C5orf34: variants seen among roughly 807,000 people sequenced by gnomAD.
C5orf34 encodes chromosome 5 open reading frame 34.
Under a neutral mutation model 78.4 loss-of-function variants are expected in C5orf34, and 73 were observed. The ratio of observed to expected loss-of-function variants is 0.93; its 90% CI spans 0.77 to 1.13. The LOEUF is 1.13. Among genes scored for constraint, C5orf34 ranks in the 50% most tolerant of loss-of-function variants. C5orf34 has a pLI of 0.00. For missense variants in C5orf34, 730 were observed against 732.7 expected (o/e 1.00, Z 0.04); for synonymous variants, 251 against 246.6 (o/e 1.02, Z -0.17).
chr5:43,489,133 A>T (rs539621457), intron 11 of C5orf34, among the ~76,000 whole-genome samples: 1 of 151,928 alleles, frequency 6.6e-6, no homozygotes, highest in Non-Finnish European at 1.5e-5. Flanking sequence ...ATTTTTCTGG[A>T]TGTAAGAAAC....
intron 6 of C5orf34, 72 bp from the exon 7 acceptor site, chr5:43,494,673 T>G: frequency 2.6e-6 from 2 of 773,936 alleles, no homozygotes; most frequent in Non-Finnish European, 4.3e-6. Context: ...TGCTTTTCCT[T>G]GAAATATGTT....
chr5:43,490,532 G>GT (rs1164626111), intron 11 of C5orf34, 99 bp downstream of exon 11: 5 of 736,152 alleles, frequency 6.8e-6, no homozygotes, highest in Non-Finnish European at 1.2e-5. Context: ...AACTAAGAAA[G>GT]TTTTTTTGGG....
intron 6 of C5orf34, among the ~76,000 whole-genome samples, chr5:43,496,794 C>G (rs760850045): frequency 2.0e-4 from 31 of 151,878 alleles, no homozygotes; most frequent in Non-Finnish European, 4.0e-4. Context: ...CTATATTACC[C>G]AGACTAGTCT....
At position 43,514,906 on chromosome 5, in the gene C5orf34, A is replaced by G. The variant is rs1457901400; in HGVS notation, c.-137T>C. The G allele has an allele frequency of 6.6e-6, 1 of 152,136 alleles. No individual in the cohort carries two copies. The allele number at this position is 152,136 out of a possible 1,614,324, so 9.4% of individuals were successfully genotyped here. A position where few individuals can be genotyped will look rare whatever the true frequency, so the allele number is the denominator to read the frequency against. Reference sequence around the variant, plus strand: ...GAAGCCGCAGCGTCGGCGCCTGCCCACCACTGCTTCTTCAGGGGTTTCTTC... The same window carrying G: ...GAAGCCGCAGCGTCGGCGCCTGCCCGCCACTGCTTCTTCAGGGGTTTCTTC... On this transcript the variant is annotated 5_prime_UTR_variant, in exon 1 of 13. Coordinates refer to ENST00000306862, the MANE Select transcript of C5orf34 (RefSeq NM_198566.4).
intron 6 of C5orf34, among the ~76,000 whole-genome samples, chr5:43,501,216 A>G (rs1745744163): frequency 6.6e-6 from 1 of 152,232 alleles, no homozygotes; most frequent in Non-Finnish European, 1.5e-5. Context: ...CAATATGACT[A>G]TGCATACCTA....
chr5:43,496,517 A>C, intron 6 of C5orf34: 1 of 1,341,702 alleles, frequency 7.5e-7, no homozygotes, highest in Middle Eastern at 2.7e-4. Context: ...TTGTGGGAAA[A>C]AAAAGCCATT....
In C5orf34 at chr5:43,509,300, A is replaced by T; in HGVS notation, c.40T>A (p.Ser14Thr). 1 of 1,613,180 alleles carries T rather than the reference A, an allele frequency of 6.2e-7. No individual in the cohort carries two copies. The change falls in exon 2 of 13, where the codon TCA becomes ACA. Residue 14 changes from serine to threonine, a missense_variant. Coordinates refer to ENST00000306862, the MANE Select transcript of C5orf34 (RefSeq NM_198566.4). Reference sequence around the variant, plus strand: ...CCATCAACATATTGTACTTGTACTGAATCATCTTCATAAAGTATCATTCGC... The same window carrying T: ...CCATCAACATATTGTACTTGTACTGTATCATCTTCATAAAGTATCATTCGC... Reference protein sequence around the residue: ...ELRMILYEDDSVQVQYVDGST... With the variant: ...ELRMILYEDDTVQVQYVDGST...
intron 4 of C5orf34, among the ~76,000 whole-genome samples, chr5:43,504,177 C>T (rs1561214228): frequency 1.3e-5 from 2 of 151,770 alleles, no homozygotes; most frequent in African/African-American, 2.4e-5. Flanking sequence ...CGTAGTGGCA[C>T]GTGCCTGTAA....
At position 43,492,848 on chromosome 5, in the gene C5orf34, T is replaced by C. The variant is rs1187813149; in HGVS notation, c.1357A>G (p.Lys453Glu). 1.7e-5 allele frequency: 28 copies of C among 1,610,732 alleles called. No individual in the cohort carries two copies. The highest frequency in any genetic ancestry group is 2.0e-5 in the Non-Finnish European group (24 of 1,177,812). The change falls in exon 9 of 13, where the codon AAA becomes GAA. Residue 453 changes from lysine (K) to glutamate (E), a missense_variant. By Grantham distance (56) the Lys-to-Glu change is moderately conservative. Transcript: ENST00000306862. The part of the protein sequence containing the change: ...NDSNILPLVL[K>E]ESLIPSVGRF... The stretch of plus-strand genomic sequence containing the variant: ...CCCACACTGGGTATGAGTGACTCTT[T>C]CAAAACCAAAGGCAGTATATTGCTA...
chr5:43,513,607 C>A (rs1327122619), intron 1 of C5orf34, among the ~76,000 whole-genome samples: 1 of 152,262 alleles, frequency 6.6e-6, no homozygotes, highest in Non-Finnish European at 1.5e-5. Flanking sequence ...CATTTCTCAA[C>A]TCTCTCCTAC....
intron 1 of C5orf34, among the ~76,000 whole-genome samples, chr5:43,511,801 G>A (rs1746272375): frequency 1.3e-5 from 2 of 152,274 alleles, no homozygotes; most frequent in Non-Finnish European, 2.9e-5. Context: ...AGTGCAAGAT[G>A]TGCTTTGTTA....
chr5:43,503,103 G>C (rs779620224), intron 5 of C5orf34, among the ~76,000 whole-genome samples: 3 of 152,200 alleles, frequency 2.0e-5, no homozygotes, highest in Admixed American at 6.5e-5. Flanking sequence ...CAAAAATTTA[G>C]CAGTGCTCTT....
rs1405845708 is a variant in C5orf34 at position 43,496,142 on chromosome 5, C to T, written c.1153-1541G>A. ...CAGGACAGCACAGCCTGAGATGTCCCTGTAATCATGTTTTTGATGAAGTCT... is the reference window on the plus strand; with the variant it reads ...CAGGACAGCACAGCCTGAGATGTCCTTGTAATCATGTTTTTGATGAAGTCT... On this transcript the variant is annotated intron_variant, in intron 6 of 12. Coordinates refer to ENST00000306862, the MANE Select transcript of C5orf34 (RefSeq NM_198566.4). The T allele has an allele frequency of 1.6e-5, 22 of 1,383,516 alleles. No homozygotes were observed. The East Asian group carries it at 3.2e-4, about 20-fold the overall frequency. 85.7% of individuals were successfully genotyped at this position (1,383,516 alleles called of 1,614,324 possible).
intron 8 of C5orf34, 23 bp downstream of exon 8, chr5:43,493,520 C>G: frequency 7.4e-7 from 1 of 1,352,056 alleles, no homozygotes; most frequent in Non-Finnish European, 1.0e-6. Context: ...AAATATCTTG[C>G]TTTTAAAATA....
At chr5:43,489,791 T>G (rs2112264591) in intron 11 of C5orf34, among the ~76,000 whole-genome samples, 1 of 152,258 alleles carries the variant, frequency 6.6e-6, no homozygotes, top group African/African-American at 2.4e-5. Flanking sequence ...TTCACTACAC[T>G]ATGTTAGGTC....
Position 43,487,949 on chromosome 5 carries a change from C to A in C5orf34, c.1680G>T (p.Trp560Cys). 6.2e-7 allele frequency: 1 copy of A among 1,603,536 alleles called. No individual in the cohort carries two copies. The change falls in exon 12 of 13, where the codon TGG becomes TGT. Residue 560 changes from tryptophan (W) to cysteine (C), a missense_variant and splice_region_variant. Transcript: ENST00000306862. ...HSSSSVLQEN[W>C]SVASELEKIQ... ...TCTTTTCAAGTTCAGAAGCAACAGACCTGTCCAAGGAAAAAGAAAAAATTC... is the reference window on the plus strand; with the variant it reads ...TCTTTTCAAGTTCAGAAGCAACAGAACTGTCCAAGGAAAAAGAAAAAATTC...
intron 6 of C5orf34, among the ~76,000 whole-genome samples, chr5:43,498,978 A>T (rs532466267): frequency 6.6e-6 from 1 of 152,224 alleles, no homozygotes; most frequent in Non-Finnish European, 1.5e-5. Context: ...GTGTCCAGTT[A>T]GGTGCCATTT....
chr5:43,492,099 T>A (rs986746381), intron 10 of C5orf34, 116 bp downstream of exon 10: 26 of 664,704 alleles, frequency 3.9e-5, no homozygotes, highest in African/African-American at 3.6e-4. Context: ...ATGCCTTCAT[T>A]ATTATCCACA....
intron 6 of C5orf34, chr5:43,495,658 C>T: frequency 6.3e-7 from 1 of 1,584,796 alleles, no homozygotes; most frequent in African/African-American, 1.3e-5. Context: ...CACCAGTCTC[C>T]ACTCGGCCAA....
Sources: allele counts gnomAD v4.1 joint callset (sites outside exome capture counted in the v4.1 genomes callset), GRCh38; gene constraint gnomAD v4.1.1; transcripts MANE v1.5; gene names NCBI Gene and HGNC (gene_info 2026-07-23, HGNC 2026-07-21).